CCNT1: variants seen among roughly 807,000 people sequenced by gnomAD.
The protein encoded by CCNT1 is cyclin-T1.
A neutral mutation model predicts 67.3 loss-of-function variants in CCNT1; 18 were observed. The observed-to-expected ratio is 0.27, with a 90% CI of 0.18 to 0.40. CCNT1 has a LOEUF of 0.40. Ranked by LOEUF, CCNT1 falls within the 10% of genes least tolerant of loss-of-function variation. CCNT1 has a pLI of 1.00. For synonymous variants in CCNT1, 333 were observed against 310.3 expected, an observed-to-expected ratio of 1.07 and a Z score of -0.77; for missense variants, 744 against 884.9, an observed-to-expected ratio of 0.84 and a Z score of 2.02.
chr12:48,698,187 A>ATT lies in CCNT1; in HGVS notation c.497-5_497-4insAA. 3 of 1,448,188 alleles carry ATT rather than the reference A, an allele frequency of 2.1e-6. No homozygotes were observed. Among genetic ancestry groups the ATT allele is most frequent in the Non-Finnish European group, 9.1e-7 (1 of 1,093,528 alleles). 89.7% of individuals were successfully genotyped at this position (1,448,188 alleles called of 1,614,324 possible). Reference sequence around the variant, plus strand: ...GTCTGTGCTAAGTCCTTGCTTGCTAAAGAAAAAAAAAAAAAGTCAGGGGTG... The same window carrying ATT: ...GTCTGTGCTAAGTCCTTGCTTGCTAATTAGAAAAAAAAAAAAAGTCAGGGGTG... On this transcript the variant is annotated splice_polypyrimidine_tract_variant and splice_region_variant and intron_variant, in intron 5 of 8. Coordinates refer to ENST00000261900, the MANE Select transcript of CCNT1 (RefSeq NM_001240.4).
chr12:48,710,184 G>A (rs1297172430), intron 2 of CCNT1, among the ~76,000 whole-genome samples: 1 of 151,752 alleles, frequency 6.6e-6, no homozygotes, highest in African/African-American at 2.4e-5. Flanking sequence ...GAGTCAACAC[G>A]CCCAGCCTCT....
chr12:48,715,173 G>A (rs75484143), intron 1 of CCNT1, among the ~76,000 whole-genome samples: 75 of 152,318 alleles, frequency 4.9e-4, no homozygotes, highest in East Asian at 2.1e-3. Flanking sequence ...CACTGAAATA[G>A]AATTTCGAAC....
Position 48,716,694 on chromosome 12 carries a change from C to A in CCNT1, c.-19G>T. 1 of 1,609,340 alleles carries A rather than the reference C, an allele frequency of 6.2e-7. No homozygotes were observed. Among genetic ancestry groups the A allele is most frequent in the Non-Finnish European group, 8.5e-7 (1 of 1,176,774 alleles). On this transcript the variant is annotated 5_prime_UTR_variant, in exon 1 of 9. Transcript: ENST00000261900. ...CCTCCATAGTGCTTCAACCAGAAGG[C>A]AGCGGCGAAGGCTGCAGGCACTTCC...
chr12:48,701,899 C>T (rs111496572), intron 3 of CCNT1, among the ~76,000 whole-genome samples: 1,869 of 151,274 alleles, frequency 0.012, 45 homozygotes, highest in African/African-American at 0.044. Context: ...AGCCACCGCA[C>T]CCGGCCTTTT....
Position 48,693,607 on chromosome 12 carries a change from C to A in CCNT1, c.1607G>T (p.Gly536Val). The change falls in exon 9 of 9, where the codon GGT (glycine) becomes GTT (valine). Residue 536 changes from glycine to valine, a missense_variant. Physicochemically the swap from Gly to Val is moderately radical, Grantham distance 109 (BLOSUM62 -3). Transcript: ENST00000261900. ...ATCACCAGGACGTTTGTTCCCAGTA[C>A]CAACTGGAAGTTGGGAATGAGAGTG... ...HKHSHSQLPV[G>V]TGNKRPGDPK... The A allele has an allele frequency of 6.2e-7, 1 of 1,614,162 alleles. No homozygotes were observed. The highest frequency in any genetic ancestry group is 1.1e-5 in the South Asian group (1 of 91,082).
At chr12:48,695,436 T>A (rs1174453711) in intron 8 of CCNT1, among the ~76,000 whole-genome samples, 1 of 152,188 alleles carries the variant, frequency 6.6e-6, no homozygotes, top group Admixed American at 6.5e-5. Flanking sequence ...TAATTCTCTA[T>A]CTTGCCTCTA....
Position 48,694,044 on chromosome 12 carries a change from T to C in CCNT1, c.1170A>G (p.Lys390=). 6.2e-7 allele frequency: 1 copy of C among 1,614,220 alleles called. No individual in the cohort carries two copies. Among genetic ancestry groups the C allele is most frequent in the Non-Finnish European group, 8.5e-7 (1 of 1,180,032 alleles). Reference sequence around the variant, plus strand: ...CTTCTGCATGCTTCGCGCGGTATTCTTTCAGTGACACTTTAGCTGATGGCA... The same window carrying C: ...CTTCTGCATGCTTCGCGCGGTATTCCTTCAGTGACACTTTAGCTGATGGCA... ...KSVPSAKVSL[K]EYRAKHAEEL... is the part of the protein sequence containing the mutation. The change falls in exon 9 of 9, where the codon AAA becomes AAG. Residue 390 remains lysine (K), a synonymous_variant. Transcript: ENST00000261900.
intron 2 of CCNT1, among the ~76,000 whole-genome samples, chr12:48,712,159 C>T (rs1482713446): frequency 6.6e-6 from 1 of 152,086 alleles, no homozygotes; most frequent in African/African-American, 2.4e-5. Flanking sequence ...ACTGTTTCTG[C>T]CAGTTTCTTA....
Position 48,705,760 on chromosome 12 carries a change from TCTC to T in CCNT1, c.372+5_372+7del. On this transcript the variant is annotated splice_donor_5th_base_variant and intron_variant, in intron 3 of 8. Coordinates refer to ENST00000261900, the MANE Select transcript of CCNT1 (RefSeq NM_001240.4). Reference sequence around the variant, plus strand: ...TTAAGAAAAACAGATGTGTAATTAATCTCCTACCTCACTTCTAGTATCAGGAAG... The same window carrying T: ...TTAAGAAAAACAGATGTGTAATTAATCTACCTCACTTCTAGTATCAGGAAG... 6.2e-7 allele frequency: 1 copy of T among 1,600,896 alleles called. No homozygotes were observed. Among genetic ancestry groups the T allele is most frequent in the Non-Finnish European group, 8.5e-7 (1 of 1,175,186 alleles).
In CCNT1 at chr12:48,714,529, A is replaced by C. The variant is rs762251302; in HGVS notation, c.162-5T>G. 6.3e-7 allele frequency: 1 copy of C among 1,595,754 alleles called. No individual in the cohort carries two copies. The highest frequency in any genetic ancestry group is 2.2e-5 in the East Asian group (1 of 44,732). The stretch of plus-strand genomic sequence containing the variant: ...GTGTTGATAGTCAATTGTGAGCTGA[A>C]GTGTTCAAGTTAAGATCCAAAAACA... On this transcript the variant is annotated splice_region_variant and splice_polypyrimidine_tract_variant and intron_variant, in intron 1 of 8. Coordinates refer to ENST00000261900, the MANE Select transcript of CCNT1 (RefSeq NM_001240.4).
Position 48,696,021 on chromosome 12 carries a change from A to G in CCNT1, c.684T>C (p.Thr228=). The change falls in exon 7 of 9, where the codon ACT becomes ACC. Residue 228 remains threonine, a synonymous_variant. Transcript: ENST00000261900. The part of the protein sequence containing the change: ...GKHWWEYVDA[T]VTLELLDELT... The stretch of plus-strand genomic sequence containing the variant: ...TACCATCTAAAAGTTCCAAGGTCAC[A>G]GTGGCGTCAACATACTCCCACCAGT... 1 of 1,614,154 alleles carries G rather than the reference A, an allele frequency of 6.2e-7. No homozygotes were observed. The highest frequency in any genetic ancestry group is 8.5e-7 in the Non-Finnish European group (1 of 1,180,022).
At chr12:48,695,419 A>T (rs1402209034) in intron 8 of CCNT1, among the ~76,000 whole-genome samples, 1 of 152,222 alleles carries the variant, frequency 6.6e-6, no homozygotes, top group East Asian at 1.9e-4. Context: ...TACCGGCTCT[A>T]ACCTTGTAAT....
At chr12:48,711,576 C>G (rs1467746380) in intron 2 of CCNT1, among the ~76,000 whole-genome samples, 1 of 152,074 alleles carries the variant, frequency 6.6e-6, no homozygotes, top group Non-Finnish European at 1.5e-5. Context: ...GGCAAAATGG[C>G]TAGGAATTTC....
rs140189368 is a variant in CCNT1 at position 48,714,950 on chromosome 12, T to C, written c.162-426A>G. Reference sequence around the variant, plus strand: ...GCCTCAGCTTCCCCAGTAGCTGAGATTACAGGCGCCCACCAACAGACCTGG... The same window carrying C: ...GCCTCAGCTTCCCCAGTAGCTGAGACTACAGGCGCCCACCAACAGACCTGG... On this transcript the variant is annotated intron_variant, in intron 1 of 8. Coordinates refer to ENST00000261900, the MANE Select transcript of CCNT1 (RefSeq NM_001240.4). Among the ~76,000 whole-genome samples the C allele has an allele frequency of 1.8e-4, 28 of 152,232 alleles. 1 individual carries two copies. Among genetic ancestry groups the C allele is most frequent in the Middle Eastern group, 3.4e-3 (1 of 294 alleles).
intron 3 of CCNT1, among the ~76,000 whole-genome samples, chr12:48,705,454 A>C (rs1185006687): frequency 1.3e-5 from 2 of 151,186 alleles, no homozygotes; most frequent in African/African-American, 4.9e-5. Context: ...TTTTTTAAAT[A>C]TAGAGACAGG....
At position 48,690,649 on chromosome 12, in the gene CCNT1, CCG is replaced by C. The variant is rs1410260408; in HGVS notation, c.*2382_*2383del. 1 of 152,092 alleles carries C rather than the reference CCG, an allele frequency of 6.6e-6. No homozygotes were observed. The highest frequency in any genetic ancestry group is 1.5e-5 in the Non-Finnish European group (1 of 68,030). The allele number at this position is 152,092 out of a possible 1,614,324, so 9.4% of individuals were successfully genotyped here. A position where few individuals can be genotyped will look rare whatever the true frequency, so the allele number is the denominator to read the frequency against. On this transcript the variant is annotated 3_prime_UTR_variant, in exon 9 of 9. Transcript: ENST00000261900. ...CAGCAATGATCTACTAGTGCAAAGGCCGGACTACACGGCACAAAGCAACTCTT... is the reference window on the plus strand; with the variant it reads ...CAGCAATGATCTACTAGTGCAAAGGCGACTACACGGCACAAAGCAACTCTT...
chr12:48,712,601 A>T (rs1401875668), intron 2 of CCNT1, among the ~76,000 whole-genome samples: 72 of 143,260 alleles, frequency 5.0e-4, no homozygotes, highest in Middle Eastern at 7.2e-3. Context: ...AAAATAAAAA[A>T]AAAAAAAAAA....
Position 48,714,562 on chromosome 12 carries a change from A to G in CCNT1, c.162-38T>C, listed in dbSNP as rs1257612345. On this transcript the variant is annotated intron_variant, in intron 1 of 8. Transcript: ENST00000261900. ...AGTTAAGATCCAAAAACAGGCAGGT[A>G]TAATTCTGGAAAAGATAACCTCTAT... 13 of 1,344,634 alleles carry G rather than the reference A, an allele frequency of 9.7e-6. No homozygotes were observed. In the Middle Eastern group the frequency reaches 5.4e-4, roughly 56 times the overall value. The allele number at this position is 1,344,634 out of a possible 1,614,324, so 83.3% of individuals were successfully genotyped here. A position where few individuals can be genotyped will look rare whatever the true frequency, so the allele number is the denominator to read the frequency against.
intron 3 of CCNT1, 165 bp downstream of exon 3, chr12:48,705,603 A>G: frequency 3.1e-6 from 2 of 640,194 alleles, no homozygotes; most frequent in South Asian, 4.1e-5. Flanking sequence ...AGAAAAACAC[A>G]AACACTAAAA....
Sources: gnomAD v4.1 joint callset for allele counts (sites outside exome capture counted in the v4.1 genomes callset) on GRCh38, gnomAD v4.1.1 for gene constraint, MANE v1.5 for transcripts, NCBI Gene and HGNC (gene_info 2026-07-23, HGNC 2026-07-21) for gene names.